Variants in PCDHGB5 observed in about 807,000 individuals in gnomAD.
PCDHGB5 encodes the protein protocadherin gamma subfamily B, 5.
Under a neutral mutation model 62.9 loss-of-function variants are expected in PCDHGB5, and 48 were observed. The ratio of observed to expected loss-of-function variants is 0.76; its 90% CI spans 0.61 to 0.97. PCDHGB5 has a LOEUF of 0.97. Ranked by LOEUF, PCDHGB5 falls within the 50% of genes least tolerant of loss-of-function variation. The pLI is 0.00. For missense variants in PCDHGB5, 1,118 were observed against 1,198.6 expected (o/e 0.93, Z 0.99); for synonymous variants, 474 against 511.2 (o/e 0.93, Z 0.98).
intron 1 of PCDHGB5, chr5:141,409,458 A>G (rs1435071611): frequency 4.3e-6 from 7 of 1,613,820 alleles, no homozygotes; most frequent in East Asian, 2.2e-5. Context: ...CCAGAATACA[A>G]TGTCACCATC....
At position 141,485,680 on chromosome 5, in the gene PCDHGB5, C is replaced by A. The variant is rs1450674419; in HGVS notation, c.2398-9127C>A. The A allele has an allele frequency of 6.2e-7, 1 of 1,613,966 alleles. No individual in the cohort carries two copies. On this transcript the variant is annotated intron_variant, in intron 1 of 3. Transcript: ENST00000617380. The surrounding 1 kb of genome is among the most constrained non-coding windows in gnomAD (Gnocchi z 5.7). ...ATGTGGGGAGCAATTCGATTAGCAGCTATAGGCTGAGCTCCAATGAACACT... is the reference window on the plus strand; with the variant it reads ...ATGTGGGGAGCAATTCGATTAGCAGATATAGGCTGAGCTCCAATGAACACT...
rs1290674122 is a variant in PCDHGB5 at position 141,489,521 on chromosome 5, G to A, written c.2398-5286G>A. 3 of 1,613,988 alleles carry A rather than the reference G, an allele frequency of 1.9e-6. No individual in the cohort carries two copies. The highest frequency in any genetic ancestry group is 2.2e-5 in the East Asian group (1 of 44,886). On this transcript the variant is annotated intron_variant, in intron 1 of 3. Coordinates refer to ENST00000617380, the MANE Select transcript of PCDHGB5 (RefSeq NM_018925.3). This position sits in a 1 kb window ranked among gnomAD's most constrained non-coding sequence, Gnocchi z 4.5. ...GTGAATCAAAAGATTGACCGAGAAAGCCTATGTGGAGCCAGCACCAGCTGC... is the reference window on the plus strand; with the variant it reads ...GTGAATCAAAAGATTGACCGAGAAAACCTATGTGGAGCCAGCACCAGCTGC...
Position 141,420,249 on chromosome 5 carries a change from A to C in PCDHGB5, c.2397+19725A>C. 4 of 1,580,072 alleles carry C rather than the reference A, an allele frequency of 2.5e-6. No homozygotes were observed. In the Admixed American group the frequency reaches 7.3e-5, roughly 29 times the overall value. On this transcript the variant is annotated intron_variant, in intron 1 of 3. Transcript: ENST00000617380. The stretch of plus-strand genomic sequence containing the variant: ...GCTAGCATTTTAACTCCCAGCGTTG[A>C]AGCAGATAAGAAGATTCTTAAACAG...
Position 141,431,706 on chromosome 5 carries a change from A to T in PCDHGB5, c.2397+31182A>T. The T allele has an allele frequency of 6.2e-7, 1 of 1,614,248 alleles. No homozygotes were observed. The highest frequency in any genetic ancestry group is 8.5e-7 in the Non-Finnish European group (1 of 1,180,048). On this transcript the variant is annotated intron_variant, in intron 1 of 3. Coordinates refer to ENST00000617380, the MANE Select transcript of PCDHGB5 (RefSeq NM_018925.3). The surrounding 1 kb of genome is among the most constrained non-coding windows in gnomAD (Gnocchi z 4.8). ...GACCACGAGGAGTCAGGATTCTACC[A>T]GATGGAAGTGCAAGCAATGGATAAT...
At chr5:141,422,716 G>A (rs1348237465) in intron 1 of PCDHGB5, 1 of 1,604,378 alleles carries the variant, frequency 6.2e-7, no homozygotes, top group Non-Finnish European at 8.5e-7. Flanking sequence ...GGATGACACT[G>A]TCCAGGGGGT....
In PCDHGB5 at chr5:141,487,169, G is replaced by A. The variant is rs1259980100; in HGVS notation, c.2398-7638G>A. On this transcript the variant is annotated intron_variant, in intron 1 of 3. Coordinates refer to ENST00000617380, the MANE Select transcript of PCDHGB5 (RefSeq NM_018925.3). The surrounding 1 kb of genome is among the most constrained non-coding windows in gnomAD (Gnocchi z 5.0). ...CTCTGTTACTCTCTTAGTGTCCTTA[G>A]AGGAAGACACTCATCCAGTTGTCCC... 6.2e-7 allele frequency: 1 copy of A among 1,613,086 alleles called. No homozygotes were observed. Among genetic ancestry groups the A allele is most frequent in the South Asian group, 1.1e-5 (1 of 91,072 alleles).
At chr5:141,496,178 C>T (rs1481326898) in intron 2 of PCDHGB5, among the ~76,000 whole-genome samples, 2 of 152,080 alleles carry the variant, frequency 1.3e-5, no homozygotes, top group Admixed American at 1.3e-4. Flanking sequence ...CCCATCCAAG[C>T]AGCCCCAGCT....
At position 141,398,383 on chromosome 5, in the gene PCDHGB5, G is replaced by C; in HGVS notation, c.256G>C (p.Val86Leu). 4 of 1,451,918 alleles carry C rather than the reference G, an allele frequency of 2.8e-6. No individual in the cohort carries two copies. The highest frequency in any genetic ancestry group is 2.9e-6 in the Non-Finnish European group (3 of 1,046,392). The allele number at this position is 1,451,918 out of a possible 1,614,324, so 89.9% of individuals were successfully genotyped here. A position where few individuals can be genotyped will look rare whatever the true frequency, so the allele number is the denominator to read the frequency against. Residue 86 changes from valine (V) to leucine (L), a missense_variant, in exon 1 of 4, where the codon GTG becomes CTG. Val to Leu is a conservative substitution (Grantham distance 32). Coordinates refer to ENST00000617380, the MANE Select transcript of PCDHGB5 (RefSeq NM_018925.3). Reference protein sequence around the residue: ...TVSAESGELLVSSRLDREEIC... With the variant: ...TVSAESGELLLSSRLDREEIC... ...GAGCGCAGAGAGCGGGGAGTTGCTT[G>C]TGAGCAGCAGGCTAGACAGGGAGGA... is the stretch of plus-strand genomic sequence containing the variant.
intron 1 of PCDHGB5, chr5:141,419,399 G>T (rs893535249): frequency 6.2e-7 from 1 of 1,613,470 alleles, no homozygotes. Context: ...GAGCGGGGTG[G>T]TGTTCGCGCA....
intron 1 of PCDHGB5, among the ~76,000 whole-genome samples, chr5:141,407,088 G>T (rs955657125): frequency 4.6e-5 from 7 of 152,058 alleles, no homozygotes; most frequent in African/African-American, 1.7e-4. Context: ...ATGAAGAATT[G>T]TTTTATTTGT....
At position 141,485,120 on chromosome 5, in the gene PCDHGB5, G is replaced by A. The variant is rs2099607447; in HGVS notation, c.2398-9687G>A. On this transcript the variant is annotated intron_variant, in intron 1 of 3. Coordinates refer to ENST00000617380, the MANE Select transcript of PCDHGB5 (RefSeq NM_018925.3). The surrounding 1 kb of genome is among the most constrained non-coding windows in gnomAD (Gnocchi z 5.7). ...TCCAGCTGCTGTGGCTGTTTGGGGC[G>A]GGTCGGCTTCATCCGCGTCTCAGGA... The A allele has an allele frequency of 1.5e-6, 2 of 1,348,050 alleles. No homozygotes were observed. Among genetic ancestry groups the A allele is most frequent in the Non-Finnish European group, 2.1e-6 (2 of 952,710 alleles). 83.5% of individuals were successfully genotyped at this position (1,348,050 alleles called of 1,614,324 possible).
At chr5:141,404,097 T>C in intron 1 of PCDHGB5, 1 of 1,613,584 alleles carries the variant, frequency 6.2e-7, no homozygotes, top group Non-Finnish European at 8.5e-7. Flanking sequence ...AATGGTCAAG[T>C]TGTCTGTTCT....
Position 141,487,272 on chromosome 5 carries a change from T to C in PCDHGB5, c.2398-7535T>C. 6.2e-7 allele frequency: 1 copy of C among 1,614,148 alleles called. No homozygotes were observed. The highest frequency in any genetic ancestry group is 8.5e-7 in the Non-Finnish European group (1 of 1,180,036). Reference sequence around the variant, plus strand: ...TACTTGGCTGTGTCCCTAGTGGCAATTTGCTTTGTCTCCTTTGGCTCATTC... The same window carrying C: ...TACTTGGCTGTGTCCCTAGTGGCAACTTGCTTTGTCTCCTTTGGCTCATTC... On this transcript the variant is annotated intron_variant, in intron 1 of 3. Coordinates refer to ENST00000617380, the MANE Select transcript of PCDHGB5 (RefSeq NM_018925.3). This position sits in a 1 kb window ranked among gnomAD's most constrained non-coding sequence, Gnocchi z 5.0.
In PCDHGB5 at chr5:141,432,853, C is replaced by A. The variant is rs748301578; in HGVS notation, c.2397+32329C>A. 1.1e-5 allele frequency: 17 copies of A among 1,614,176 alleles called. No homozygotes were observed. Among genetic ancestry groups the A allele is most frequent in the East Asian group, 4.5e-5 (2 of 44,874 alleles). On this transcript the variant is annotated intron_variant, in intron 1 of 3. Transcript: ENST00000617380. The surrounding 1 kb of genome is among the most constrained non-coding windows in gnomAD (Gnocchi z 6.0). ...CTCTGTACCTGGTGGTAGCGGTGGC[C>A]GCGGTCTCCTGCGTCTTCCTGGCCT...
chr5:141,430,404 A>C (rs1054341813), intron 1 of PCDHGB5, among the ~76,000 whole-genome samples: 1 of 152,000 alleles, frequency 6.6e-6, no homozygotes, highest in African/African-American at 2.4e-5. Context: ...AAAGCTCACT[A>C]AAGTTTCTAT....
In PCDHGB5 at chr5:141,491,634, C is replaced by T; in HGVS notation, c.2398-3173C>T. On this transcript the variant is annotated intron_variant, in intron 1 of 3. Coordinates refer to ENST00000617380, the MANE Select transcript of PCDHGB5 (RefSeq NM_018925.3). This position sits in a 1 kb window ranked among gnomAD's most constrained non-coding sequence, Gnocchi z 6.9. ...TAAGACCCCTCAGCGTTCAGCAGCC[C>T]ACAGCTCTGGCGCTGGAGCCTGACG... 1 of 1,613,892 alleles carries T rather than the reference C, an allele frequency of 6.2e-7. No individual in the cohort carries two copies. Among genetic ancestry groups the T allele is most frequent in the South Asian group, 1.1e-5 (1 of 91,084 alleles).
At chr5:141,403,416 C>T in intron 1 of PCDHGB5, 1 of 1,614,034 alleles carries the variant, frequency 6.2e-7, no homozygotes, top group Non-Finnish European at 8.5e-7. Context: ...TATCCACTTC[C>T]AGAAGCTATT....
chr5:141,446,639 G>T (rs1461520959), intron 1 of PCDHGB5, among the ~76,000 whole-genome samples: 7 of 152,116 alleles, frequency 4.6e-5, no homozygotes, highest in Non-Finnish European at 8.8e-5. Flanking sequence ...ACCACGCCTG[G>T]CTAATTTTTG....
intron 1 of PCDHGB5, chr5:141,413,845 C>G: frequency 6.2e-7 from 1 of 1,613,242 alleles, no homozygotes. Flanking sequence ...CGGGGGTGAC[C>G]CTCTCCGATC....
Sources: gnomAD v4.1 joint callset for allele counts (sites outside exome capture counted in the v4.1 genomes callset) on GRCh38, gnomAD v4.1.1 for gene constraint, Gnocchi (gnomAD v3.1) non-coding constraint, MANE v1.5 for transcripts, NCBI Gene and HGNC (gene_info 2026-07-23, HGNC 2026-07-21) for gene names.